Variants in PLXNA3 observed in about 807,000 individuals in gnomAD.
PLXNA3 encodes plexin-A3.
PLXNA3 carries 52 observed loss-of-function variants against 118.8 expected under a neutral mutation model. That is an observed-to-expected ratio of 0.44 (90% CI 0.35 to 0.55). PLXNA3 has a LOEUF of 0.55. PLXNA3 is among the 20% of genes least tolerant of loss of function. The pLI, the probability that PLXNA3 is intolerant of heterozygous loss-of-function variation, is 0.01. For synonymous variants in PLXNA3, 925 were observed against 762.4 expected (o/e 1.21, Z -3.51); for missense variants, 1,660 against 1,730.8 (o/e 0.96, Z 0.73).
rs2069169720 is a variant in PLXNA3, at chrX:154,470,581, C to T, written c.5126C>T (p.Pro1709Leu). The T allele has an allele frequency of 8.3e-7, 1 of 1,211,103 alleles. No individual in the cohort carries two copies. Among genetic ancestry groups the T allele is most frequent in the Non-Finnish European group, 1.1e-6 (1 of 895,129 alleles). ...EQADQRQISDPDVRHTWKSNC... is the reference protein window; with the variant it reads ...EQADQRQISDLDVRHTWKSNC... The stretch of plus-strand genomic sequence containing the variant: ...GCGGACCAGCGCCAGATCAGCGACC[C>T]CGATGTGCGCCACACCTGGAAGAGC... The change falls in exon 30 of 33, where the codon CCC becomes CTC. Residue 1709 changes from proline (P) to leucine (L), a missense_variant. Around this residue, in one of 2 missense-constraint regions of PLXNA3, gnomAD observed 869 missense variants for 1,078.7 expected, o/e 0.81. Coordinates refer to ENST00000369682, the MANE Select transcript of PLXNA3 (RefSeq NM_017514.5).
chrX:154,471,707 G>C, intron 32 of PLXNA3, 69 bp downstream of exon 32: 1 of 1,010,034 alleles, frequency 9.9e-7, no homozygotes, highest in Middle Eastern at 3.4e-4. Context: ...AAGGCAGGAG[G>C]GTTGGTGGGG....
chrX:154,460,599 A>C lies in PLXNA3; in HGVS notation c.416A>C (p.Glu139Ala). 2 of 1,199,079 alleles carry C rather than the reference A, an allele frequency of 1.7e-6. No homozygotes were observed. The highest frequency in any genetic ancestry group is 2.3e-6 in the Non-Finnish European group (2 of 888,123). ...CTGGGTGAGCCGCACCACCGCAAGG[A>C]GCACTACCTGTCGGGGGCCCAGGAG... Reference protein sequence around the residue: ...FKLGEPHHRKEHYLSGAQEPD... With the variant: ...FKLGEPHHRKAHYLSGAQEPD... Residue 139 changes from glutamate to alanine, a missense_variant, in exon 2 of 33, where the codon GAG (glutamate) becomes GCG (alanine). Glu to Ala is a moderately radical substitution (Grantham distance 107, BLOSUM62 -1). Coordinates refer to ENST00000369682, the MANE Select transcript of PLXNA3 (RefSeq NM_017514.5).
chrX:154,471,332 G>A lies in PLXNA3; in HGVS notation c.5369+15G>A. 4.2e-6 allele frequency: 5 copies of A among 1,195,401 alleles called. No individual in the cohort carries two copies. In the South Asian group the frequency reaches 9.0e-5, roughly 21 times the overall value. On this transcript the variant is annotated intron_variant, in intron 31 of 32. Coordinates refer to ENST00000369682, the MANE Select transcript of PLXNA3 (RefSeq NM_017514.5). ...TGGGTGGAGAGGTGGGCTCCGCCCTGCTGTGGGTGGCAGAGGGCAGGACCT... is the reference window on the plus strand; with the variant it reads ...TGGGTGGAGAGGTGGGCTCCGCCCTACTGTGGGTGGCAGAGGGCAGGACCT...
intron 1 of PLXNA3, among the ~76,000 whole-genome samples, chrX:154,459,175 G>A (rs782067195): frequency 1.5e-4 from 3 of 20,544 alleles, no homozygotes; most frequent in South Asian, 2.1e-3. Context: ...CTCCCCCCCC[G>A]CCTCCCGCCC....
rs782633270 is a variant in PLXNA3, at chrX:154,466,160, G to A, written c.2689G>A (p.Glu897Lys). Residue 897 changes from glutamate to lysine, a missense_variant, in exon 15 of 33, where the codon GAG becomes AAG. Physicochemically the swap from Glu to Lys is moderately conservative, Grantham distance 56. Transcript: ENST00000369682. ...EYISAERIVC[E>K]MEESLVPSPP... Reference sequence around the variant, plus strand: ...CTCTCTGAGCCCTAGGATCGTGTGTGAGATGGAGGAGTCGCTGGTGCCCAG... The same window carrying A: ...CTCTCTGAGCCCTAGGATCGTGTGTAAGATGGAGGAGTCGCTGGTGCCCAG... 1.7e-6 allele frequency: 2 copies of A among 1,209,407 alleles called. No homozygotes were observed. The highest frequency in any genetic ancestry group is 3.0e-5 in the East Asian group (1 of 33,789).
At position 154,477,778 on chromosome X, in the gene PLXNA3, T is replaced by C. The variant is rs975948278; in HGVS notation, c.*5093T>C. On this transcript the variant is annotated 3_prime_UTR_variant, in exon 33 of 33. Transcript: ENST00000369682. Reference sequence around the variant, plus strand: ...GCAAATAAACTCAGACTTGGAATAGTAGCGCAGTTTTATTTTCTGTAGTAA... The same window carrying C: ...GCAAATAAACTCAGACTTGGAATAGCAGCGCAGTTTTATTTTCTGTAGTAA... The C allele has an allele frequency of 1.2e-5, 5 of 421,875 alleles. No individual in the cohort carries two copies. The highest frequency in any genetic ancestry group is 2.7e-5 in the African/African-American group (1 of 37,680). 34.8% of individuals were successfully genotyped at this position (421,875 alleles called of 1,213,427 possible).
At position 154,462,248 on chromosome X, in the gene PLXNA3, G is replaced by T. The variant is rs35700706; in HGVS notation, c.1255G>T (p.Ala419Ser). 4.2e-6 allele frequency: 5 copies of T among 1,192,139 alleles called. No homozygotes were observed. In the African/African-American group the frequency reaches 8.8e-5, roughly 21 times the overall value. Reference protein sequence around the residue: ...DSTDGMASVAAYTYRQHSVVF... With the variant: ...DSTDGMASVASYTYRQHSVVF... The stretch of plus-strand genomic sequence containing the variant: ...CACCGACGGCATGGCCAGCGTGGCC[G>T]CCTACACCTACCGCCAGCACTCTGT... The change falls in exon 4 of 33, where the codon GCC becomes TCC. Residue 419 changes from alanine to serine, a missense_variant. Physicochemically the swap from Ala to Ser is moderately conservative, Grantham distance 99 (BLOSUM62 1). Coordinates refer to ENST00000369682, the MANE Select transcript of PLXNA3 (RefSeq NM_017514.5).
Position 154,469,402 on chromosome X carries a change from C to G in PLXNA3, c.4618C>G (p.Arg1540Gly). 1.7e-6 allele frequency: 2 copies of G among 1,209,378 alleles called. No individual in the cohort carries two copies. Among genetic ancestry groups the G allele is most frequent in the Non-Finnish European group, 2.2e-6 (2 of 893,795 alleles). The stretch of plus-strand genomic sequence containing the variant: ...AGAGTGGCGCCAGGGCCGCATGACT[C>G]GCATCATCCTCCAGGATGAGGATGT... ...DLEWRQGRMT[R>G]IILQDEDVTT... Residue 1540 changes from arginine (R) to glycine (G), a missense_variant, in exon 27 of 33, where the codon CGC (arginine) becomes GGC (glycine). This residue lies in a region of PLXNA3 where 869 missense variants were observed against 1,078.7 expected (regional missense o/e 0.81). Coordinates refer to ENST00000369682, the MANE Select transcript of PLXNA3 (RefSeq NM_017514.5).
chrX:154,461,793 C>T (rs782664962), intron 3 of PLXNA3, among the ~76,000 whole-genome samples, 155 bp downstream of exon 3: 1 of 112,355 alleles, frequency 8.9e-6, no homozygotes, highest in Non-Finnish European at 1.9e-5. Context: ...CCAGGGGTCC[C>T]TGCCCTCTCC....
chrX:154,469,767 G>C lies in PLXNA3; in HGVS notation c.4778G>C (p.Arg1593Pro). 1 of 1,207,836 alleles carries C rather than the reference G, an allele frequency of 8.3e-7. No homozygotes were observed. Among genetic ancestry groups the C allele is most frequent in the Non-Finnish European group, 1.1e-6 (1 of 891,721 alleles). ...ATGGCCAACTCCTTCACCTTCACCCGCTCCCTCAGCCGCTACGGTAGGTGT... is the reference window on the plus strand; with the variant it reads ...ATGGCCAACTCCTTCACCTTCACCCCCTCCCTCAGCCGCTACGGTAGGTGT... ...YNMANSFTFTRSLSRYESLLR... is the reference protein window; with the variant it reads ...YNMANSFTFTPSLSRYESLLR... The change falls in exon 28 of 33, where the codon CGC becomes CCC. Residue 1593 changes from arginine to proline, a missense_variant. This residue lies in a region of PLXNA3 where 869 missense variants were observed against 1,078.7 expected (regional missense o/e 0.81). Transcript: ENST00000369682.
At chrX:154,464,580 T>G in intron 9 of PLXNA3, 79 bp downstream of exon 9, 1 of 879,110 alleles carries the variant, frequency 1.1e-6, no homozygotes, top group South Asian at 2.2e-5. Flanking sequence ...TCAGGGCAGC[T>G]GTTTCTGGGG....
At chrX:154,472,014 T>C (rs782790250) in intron 32 of PLXNA3, among the ~76,000 whole-genome samples, 75 of 111,836 alleles carry the variant, frequency 6.7e-4, no homozygotes, top group African/African-American at 2.4e-3. Flanking sequence ...TGAGCCTGGA[T>C]GAGCTCACAG....
At chrX:154,469,255 C>G (rs782539658) in intron 26 of PLXNA3, 40 bp downstream of exon 26, 1 of 1,182,721 alleles carries the variant, frequency 8.5e-7, no homozygotes, top group African/African-American at 1.8e-5. Flanking sequence ...CCACTCATAC[C>G]CTCCTGTGCC....
chrX:154,464,701 A>T, intron 9 of PLXNA3, 53 bp from the exon 10 acceptor site: 1 of 841,891 alleles, frequency 1.2e-6, no homozygotes, highest in Non-Finnish European at 1.7e-6. Context: ...ATTGGGGAGC[A>T]GTGAGGGGCA....
Position 154,465,102 on chromosome X carries a change from C to T in PLXNA3, c.2128C>T (p.Pro710Ser). The change falls in exon 11 of 33, where the codon CCT becomes TCT. Residue 710 changes from proline (P) to serine (S), a missense_variant. Transcript: ENST00000369682. ...QPLTLRAKNL[P>S]QPQSGQKNYE... is the part of the protein sequence containing the mutation. ...TCTTACCTTGCGGGCTAAGAACCTA[C>T]CTCAGCCGCAGTCGGGCCAGAAGAA... 3 of 1,210,226 alleles carry T rather than the reference C, an allele frequency of 2.5e-6. No homozygotes were observed. The highest frequency in any genetic ancestry group is 3.4e-6 in the Non-Finnish European group (3 of 894,709).
chrX:154,472,011 G>C (rs1018504286), intron 32 of PLXNA3, among the ~76,000 whole-genome samples: 1 of 112,243 alleles, frequency 8.9e-6, no homozygotes, highest in Non-Finnish European at 1.9e-5. Flanking sequence ...CCCTGAGCCT[G>C]GATGAGCTCA....
At chrX:154,463,552 G>C (rs1477976312) in intron 5 of PLXNA3, 33 bp downstream of exon 5, 2 of 1,153,205 alleles carry the variant, frequency 1.7e-6, no homozygotes, top group Non-Finnish European at 1.2e-6. Context: ...TGGGTGGTGG[G>C]GCGGGGGTGG....
chrX:154,463,260 G>T, intron 4 of PLXNA3, 131 bp from the exon 5 acceptor site: 1 of 929,527 alleles, frequency 1.1e-6, no homozygotes, highest in Non-Finnish European at 1.5e-6. Flanking sequence ...CCTCCGGGCT[G>T]TGGGTGTGAG....
At chrX:154,465,283 C>T in intron 11 of PLXNA3, 65 bp downstream of exon 11, 3 of 1,062,780 alleles carry the variant, frequency 2.8e-6, no homozygotes, top group Admixed American at 4.6e-5. Context: ...TCGTTCTTGT[C>T]TATGCCCAGC....
Sources: allele counts gnomAD v4.1 joint callset (sites outside exome capture counted in the v4.1 genomes callset), GRCh38; gene constraint gnomAD v4.1.1; regional missense constraint gnomAD v4.1.1; transcripts MANE v1.5; gene names NCBI Gene and HGNC (gene_info 2026-07-23, HGNC 2026-07-21).